Variants in ANKLE2 observed in about 807,000 individuals in gnomAD.
The protein encoded by ANKLE2 is ankyrin repeat and LEM domain-containing protein 2.
Under a neutral mutation model 84.2 loss-of-function variants are expected in ANKLE2, and 55 were observed. That is an observed-to-expected ratio of 0.65 (90% CI 0.53 to 0.82). The LOEUF (loss-of-function observed/expected upper bound fraction) is 0.82. Among genes scored for constraint, ANKLE2 ranks in the 40% least tolerant of loss-of-function variants. The pLI is 0.00. For synonymous variants in ANKLE2, 551 were observed against 486.1 expected, an observed-to-expected ratio of 1.13 and a Z score of -1.76; for missense variants, 1,238 against 1,201.9, an observed-to-expected ratio of 1.03 and a Z score of -0.44.
chr12:132,756,783 TAGAC>T (rs1210940891), intron 1 of ANKLE2: 1 of 150,256 alleles, frequency 6.7e-6, no homozygotes, highest in East Asian at 2.0e-4. Context: ...ATACAAAAAT[TAGAC>T]AGGCGCAGTG....
chr12:132,731,704 C>T (rs1340725506), intron 10 of ANKLE2: 1 of 152,226 alleles, frequency 6.6e-6, no homozygotes, highest in Non-Finnish European at 1.5e-5. Flanking sequence ...CCACGTTGGC[C>T]TCCCTAAGTG....
chr12:132,748,053 T>G, intron 4 of ANKLE2, 33 bp from the exon 5 acceptor site: 1 of 1,599,754 alleles, frequency 6.3e-7, no homozygotes, highest in Non-Finnish European at 8.5e-7. Context: ...GAGCTTCCTA[T>G]CTGATGTGTG....
intron 1 of ANKLE2, 194 bp from the exon 2 acceptor site, chr12:132,755,327 T>C: frequency 5.6e-6 from 3 of 536,022 alleles, no homozygotes; most frequent in South Asian, 4.8e-5. Flanking sequence ...GCGGATCATC[T>C]GAGGTCAGGA....
At position 132,761,665 on chromosome 12, in the gene ANKLE2, C is replaced by A; in HGVS notation, c.134G>T (p.Ser45Ile). 2 of 1,309,162 alleles carry A rather than the reference C, an allele frequency of 1.5e-6. No individual in the cohort carries two copies. Among genetic ancestry groups the A allele is most frequent in the South Asian group, 2.1e-5 (1 of 48,402 alleles). 81.1% of individuals were successfully genotyped at this position (1,309,162 alleles called of 1,614,324 possible). A position where few individuals can be genotyped will look rare whatever the true frequency, so the allele number is the denominator to read the frequency against. ...GCTTGGCGGAGGAACTGGGGTCCCG[C>A]TGCGGCCCAGACCTCCCGGCCGCGG... is the stretch of plus-strand genomic sequence containing the variant. Reference protein sequence around the residue: ...LGPRPGGLGRSGTPVPPPSAA... With the variant: ...LGPRPGGLGRIGTPVPPPSAA... Residue 45 changes from serine (S) to isoleucine (I), a missense_variant, in exon 1 of 13, where the codon AGC becomes ATC. Ser to Ile is a moderately radical substitution (Grantham distance 142, BLOSUM62 -2). Coordinates refer to ENST00000357997, the MANE Select transcript of ANKLE2 (RefSeq NM_015114.3).
chr12:132,746,931 G>A (rs2044250199), intron 5 of ANKLE2, among the ~76,000 whole-genome samples: 2 of 152,284 alleles, frequency 1.3e-5, no homozygotes, highest in South Asian at 4.1e-4. Flanking sequence ...CTGCCCTGAA[G>A]GACTTTTGGG....
Position 132,729,833 on chromosome 12 carries a change from G to A in ANKLE2, c.2329C>T (p.Pro777Ser). The change falls in exon 11 of 13, where the codon CCT (proline) becomes TCT (serine). Residue 777 changes from proline (P) to serine (S), a missense_variant. Coordinates refer to ENST00000357997, the MANE Select transcript of ANKLE2 (RefSeq NM_015114.3). ...TTCCCGAGTTGGTCTGCGGGAGAAG[G>A]CTCTAACAAGTCTCTTTCTACTGCA... ...INAVERDLLE[P>S]SPADQLGNGH... 6.2e-7 allele frequency: 1 copy of A among 1,613,448 alleles called. No homozygotes were observed. The highest frequency in any genetic ancestry group is 8.5e-7 in the Non-Finnish European group (1 of 1,179,802).
intron 5 of ANKLE2, among the ~76,000 whole-genome samples, chr12:132,747,385 G>A (rs573133927): frequency 1.3e-5 from 2 of 150,584 alleles, no homozygotes; most frequent in South Asian, 4.2e-4. Context: ...TGCGTGTCAG[G>A]CAGCCTCTCT....
intron 6 of ANKLE2, 181 bp from the exon 7 acceptor site, chr12:132,741,666 A>C: frequency 1.5e-6 from 1 of 679,968 alleles, no homozygotes; most frequent in Non-Finnish European, 2.6e-6. Flanking sequence ...AAGTCTAAGG[A>C]GACAGCTAGG....
At chr12:132,732,692 T>C (rs1343715600) in intron 10 of ANKLE2, among the ~76,000 whole-genome samples, 2 of 113,172 alleles carry the variant, frequency 1.8e-5, no homozygotes, top group African/African-American at 6.6e-5. Context: ...CTCTGCGTCC[T>C]GGTGTCTGAT....
At chr12:132,748,706 G>A (rs1176129297) in intron 3 of ANKLE2, among the ~76,000 whole-genome samples, 3 of 152,126 alleles carry the variant, frequency 2.0e-5, no homozygotes, top group Non-Finnish European at 4.4e-5. Context: ...TGAACTTTGT[G>A]TTTTTTCAGA....
At position 132,729,714 on chromosome 12, in the gene ANKLE2, G is replaced by C; in HGVS notation, c.2448C>G (p.Val816=). ...AGAGCCGCCTGGCCGGTTCCCTGGT[G>C]ACCTCGAGCTGATCCTCGTGCCTGG... ...SSPRHEDQLE[V]TREPARRLFL... is the part of the protein sequence containing the mutation. The change falls in exon 11 of 13, where the codon GTC becomes GTG. Residue 816 remains valine, a synonymous_variant. Transcript: ENST00000357997. 1 of 1,609,538 alleles carries C rather than the reference G, an allele frequency of 6.2e-7. No individual in the cohort carries two copies. The highest frequency in any genetic ancestry group is 8.5e-7 in the Non-Finnish European group (1 of 1,178,986).
intron 2 of ANKLE2, 64 bp from the exon 3 acceptor site, chr12:132,750,913 T>G: frequency 4.0e-3 from 4,898 of 1,209,668 alleles, no homozygotes; most frequent in Non-Finnish European, 5.3e-3. Context: ...CACCTGGCCA[T>G]GCCCTGGGCC....
At chr12:132,752,955 C>T (rs1358240668) in intron 2 of ANKLE2, among the ~76,000 whole-genome samples, 9 of 146,344 alleles carry the variant, frequency 6.1e-5, no homozygotes, top group Non-Finnish European at 1.1e-4. Context: ...GCCAGGAGTT[C>T]AAGACCAGAC....
intron 7 of ANKLE2, among the ~76,000 whole-genome samples, chr12:132,740,592 C>T (rs1331866330): frequency 6.6e-6 from 1 of 152,044 alleles, no homozygotes; most frequent in Non-Finnish European, 1.5e-5. Context: ...GCGTCTGCTT[C>T]AATCTCACCA....
chr12:132,728,567 AAAC>A (rs1208343983), intron 11 of ANKLE2, among the ~76,000 whole-genome samples: 1 of 152,214 alleles, frequency 6.6e-6, no homozygotes, highest in Non-Finnish European at 1.5e-5. Flanking sequence ...CCAGCACACA[AAAC>A]AACAGTGTGC....
chr12:132,728,355 A>C (rs1043693614), intron 11 of ANKLE2, among the ~76,000 whole-genome samples, 192 bp from the exon 12 acceptor site: 3 of 152,176 alleles, frequency 2.0e-5, no homozygotes, highest in African/African-American at 7.2e-5. Flanking sequence ...CAGCCTCCCG[A>C]GTAGCTGGGA....
In ANKLE2 at chr12:132,748,129, G is replaced by A. The variant is rs369790399; in HGVS notation, c.1041+9C>T. 4.8e-5 allele frequency: 78 copies of A among 1,611,464 alleles called. No individual in the cohort carries two copies. Among genetic ancestry groups the A allele is most frequent in the Middle Eastern group, 3.3e-4 (2 of 6,078 alleles). On this transcript the variant is annotated intron_variant, in intron 4 of 12. Coordinates refer to ENST00000357997, the MANE Select transcript of ANKLE2 (RefSeq NM_015114.3). Reference sequence around the variant, plus strand: ...CGCACACCTGCCCGAGGGAACCGCCGAGACCTACCTGCACGATAGTGGGGT... The same window carrying A: ...CGCACACCTGCCCGAGGGAACCGCCAAGACCTACCTGCACGATAGTGGGGT...
chr12:132,733,376 G>T (rs931564736), intron 10 of ANKLE2, among the ~76,000 whole-genome samples: 2 of 148,672 alleles, frequency 1.3e-5, no homozygotes, highest in Non-Finnish European at 3.0e-5. Flanking sequence ...CTGCGTCCTG[G>T]TGTCTGACAG....
At chr12:132,751,652 C>G (rs990176988) in intron 2 of ANKLE2, among the ~76,000 whole-genome samples, 1 of 151,908 alleles carries the variant, frequency 6.6e-6, no homozygotes, top group Non-Finnish European at 1.5e-5. Flanking sequence ...AAGCGATTCT[C>G]CCGTCTCAGC....
Sources: allele counts gnomAD v4.1 joint callset (sites outside exome capture counted in the v4.1 genomes callset), GRCh38; gene constraint gnomAD v4.1.1; transcripts MANE v1.5; gene names NCBI Gene and HGNC (gene_info 2026-07-23, HGNC 2026-07-21).